Variants in SCARA3 observed in about 807,000 individuals in gnomAD.
SCARA3 encodes scavenger receptor class A member 3.
SCARA3 carries 39 observed loss-of-function variants against 47.0 expected under a neutral mutation model. That is an observed-to-expected ratio of 0.83 (90% CI 0.64 to 1.08). The LOEUF is 1.08. Ranked by LOEUF, SCARA3 falls within the 50% of genes least tolerant of loss-of-function variation. The pLI is 0.00. For synonymous variants in SCARA3, 356 were observed against 334.1 expected (o/e 1.07, Z -0.71); for missense variants, 724 against 792.3 (o/e 0.91, Z 1.04).
In SCARA3 at chr8:27,658,823, C is replaced by T. The variant is rs1801819442; in HGVS notation, c.653C>T (p.Ala218Val). 7 of 1,614,050 alleles carry T rather than the reference C, an allele frequency of 4.3e-6. No homozygotes were observed. Among genetic ancestry groups the T allele is most frequent in the Middle Eastern group, 1.6e-4 (1 of 6,084 alleles). The change falls in exon 5 of 6, where the codon GCT becomes GTT. Residue 218 changes from alanine (A) to valine (V), a missense_variant. Transcript: ENST00000301904. ...DLTQECYDVK[A>V]AVHQINFTVG... ...ACCCAGGAGTGCTACGATGTCAAGGCTGCAGTGCACCAGATCAACTTCACC... is the reference window on the plus strand; with the variant it reads ...ACCCAGGAGTGCTACGATGTCAAGGTTGCAGTGCACCAGATCAACTTCACC...
At position 27,671,201 on chromosome 8, in the gene SCARA3, C is replaced by A. The variant is rs752539449; in HGVS notation, c.1671C>A (p.Pro557=). The A allele has an allele frequency of 1.3e-5, 19 of 1,507,398 alleles. No homozygotes were observed. Among genetic ancestry groups the A allele is most frequent in the South Asian group, 1.2e-4 (9 of 77,446 alleles). The allele number at this position is 1,507,398 out of a possible 1,614,324, so 93.4% of individuals were successfully genotyped here. ...AAGGGCCCCCGGGGTCTCCAGGGCCCTCAGGGCCTCAGGGAAAACCGGGAA... is the reference window on the plus strand; with the variant it reads ...AAGGGCCCCCGGGGTCTCCAGGGCCATCAGGGCCTCAGGGAAAACCGGGAA... ...GPEGPPGSPG[P]SGPQGKPGIA... The change falls in exon 6 of 6, where the codon CCC becomes CCA. Residue 557 remains proline (P), a synonymous_variant. Transcript: ENST00000301904.
chr8:27,722,229 C>A, the SCARA3 span, among the ~76,000 whole-genome samples: 1 of 152,104 alleles, frequency 6.6e-6, no homozygotes, highest in Non-Finnish European at 1.5e-5. Context: ...TTTCCAAGGT[C>A]TCATACATTT....
At chr8:27,725,529 C>CAAAAA in the SCARA3 span, among the ~76,000 whole-genome samples, 1 of 141,582 alleles carries the variant, frequency 7.1e-6, no homozygotes, top group Non-Finnish European at 1.5e-5. Context: ...CTGCCCCCTC[C>CAAAAA]AAAAAAAAAA....
chr8:27,692,813 T>C, the SCARA3 span, among the ~76,000 whole-genome samples: 11 of 152,136 alleles, frequency 7.2e-5, no homozygotes, highest in African/African-American at 2.4e-4. Flanking sequence ...GATAATAACT[T>C]AACTCTTTCA....
At chr8:27,661,877 C>T (rs1355323604) in intron 5 of SCARA3, among the ~76,000 whole-genome samples, 1 of 152,206 alleles carries the variant, frequency 6.6e-6, no homozygotes, top group Non-Finnish European at 1.5e-5. Context: ...ATGGGACACC[C>T]TGTGGGATCT....
chr8:27,649,793 C>G lies in SCARA3; in HGVS notation c.99C>G (p.Thr33=). ...DDEDMPTFPC[T]QKGRPGPRCS... is the part of the protein sequence containing the mutation. ...AGGACATGCCGACCTTCCCATGCAC[C>G]CAGAAGGGTAAGGACTCTGGGGCTG... Residue 33 remains threonine (T), a synonymous_variant, in exon 2 of 6, where the codon ACC becomes ACG. Transcript: ENST00000301904. The G allele has an allele frequency of 6.2e-7, 1 of 1,613,702 alleles. No individual in the cohort carries two copies. The highest frequency in any genetic ancestry group is 8.5e-7 in the Non-Finnish European group (1 of 1,179,750).
chr8:27,654,803 GA>G (rs67948560), intron 3 of SCARA3, among the ~76,000 whole-genome samples: 1 of 100,638 alleles, frequency 9.9e-6, no homozygotes, highest in African/African-American at 3.5e-5. Context: ...AAAAAAAAAA[GA>G]AAAAGAAAAA....
chr8:27,663,222 C>G (rs755730919), intron 5 of SCARA3, among the ~76,000 whole-genome samples: 2 of 152,226 alleles, frequency 1.3e-5, no homozygotes, highest in Non-Finnish European at 2.9e-5. Flanking sequence ...CACTGTCCTT[C>G]AGGGACGTCT....
the SCARA3 span, among the ~76,000 whole-genome samples, chr8:27,683,358 G>A: frequency 6.6e-6 from 1 of 152,178 alleles, no homozygotes; most frequent in South Asian, 2.1e-4. Flanking sequence ...TAGGGGTGGT[G>A]GTTACACACA....
intron 3 of SCARA3, among the ~76,000 whole-genome samples, chr8:27,654,259 T>A (rs1337921808): frequency 6.6e-6 from 1 of 152,212 alleles, no homozygotes; most frequent in Non-Finnish European, 1.5e-5. Context: ...GAAAAATTTT[T>A]AAATTAAATG....
chr8:27,678,570 C>A (rs141784965), downstream of SCARA3, among the ~76,000 whole-genome samples: 1 of 152,184 alleles, frequency 6.6e-6, no homozygotes, highest in African/African-American at 2.4e-5. Context: ...AACTCCACAC[C>A]CAAATAGGCT....
intron 2 of SCARA3, 107 bp from the exon 3 acceptor site, chr8:27,651,401 C>T: frequency 2.2e-6 from 3 of 1,363,322 alleles, no homozygotes; most frequent in Admixed American, 2.2e-5. Flanking sequence ...CCTTCTGAGC[C>T]TGGTTTGAAT....
the SCARA3 span, among the ~76,000 whole-genome samples, chr8:27,705,218 C>T: frequency 6.6e-6 from 1 of 152,190 alleles, no homozygotes; most frequent in Non-Finnish European, 1.5e-5. Flanking sequence ...GAAAGAGGGG[C>T]AGGTCGAAGG....
At chr8:27,643,380 G>C (rs1337676766) in intron 1 of SCARA3, among the ~76,000 whole-genome samples, 2 of 152,118 alleles carry the variant, frequency 1.3e-5, no homozygotes, top group Admixed American at 1.3e-4. Flanking sequence ...CTTGAGGATG[G>C]GGACCAAAAA....
In SCARA3 at chr8:27,634,190, A is replaced by G. The variant is rs745441168; in HGVS notation, c.-11A>G. On this transcript the variant is annotated 5_prime_UTR_variant, in exon 1 of 6. Coordinates refer to ENST00000301904, the MANE Select transcript of SCARA3 (RefSeq NM_016240.3). ...CAGCGGGGCCCTCCTGAGGCCCCAGAGGAAGAGACCATGAAAGGTAAGGGC... is the reference window on the plus strand; with the variant it reads ...CAGCGGGGCCCTCCTGAGGCCCCAGGGGAAGAGACCATGAAAGGTAAGGGC... The G allele has an allele frequency of 7.0e-7, 1 of 1,422,162 alleles. No homozygotes were observed. The highest frequency in any genetic ancestry group is 1.6e-5 in the South Asian group (1 of 63,174). The allele number at this position is 1,422,162 out of a possible 1,614,324, so 88.1% of individuals were successfully genotyped here.
Position 27,647,427 on chromosome 8 carries a change from G to T in SCARA3, c.8-2275G>T, listed in dbSNP as rs529703037. Among the ~76,000 whole-genome samples the T allele has an allele frequency of 2.0e-4, 30 of 152,318 alleles. No homozygotes were observed. In the South Asian group the frequency reaches 4.6e-3, roughly 23 times the overall value. On this transcript the variant is annotated intron_variant, in intron 1 of 5. Transcript: ENST00000301904. ...ATTCAATCTCTGGGGGTGGACCCTT[G>T]AAAGCTCCCCAGAGAGCTCCACAGG...
chr8:27,659,097 G>A lies in SCARA3; in HGVS notation c.927G>A (p.Leu309=), dbSNP rs1024185425. The change falls in exon 5 of 6, where the codon CTG becomes CTA. Residue 309 remains leucine (L), a synonymous_variant. Coordinates refer to ENST00000301904, the MANE Select transcript of SCARA3 (RefSeq NM_016240.3). The part of the protein sequence containing the change: ...DLVLQVMGLQ[L]QLDNISSFLD... ...TACTCCAGGTCATGGGCTTGCAGCT[G>A]CAGCTGGATAACATCTCGTCCTTCC... 3 of 1,614,118 alleles carry A rather than the reference G, an allele frequency of 1.9e-6. No homozygotes were observed. Among genetic ancestry groups the A allele is most frequent in the African/African-American group, 2.7e-5 (2 of 75,012 alleles).
At chr8:27,683,541 T>A in the SCARA3 span, among the ~76,000 whole-genome samples, 2 of 152,212 alleles carry the variant, frequency 1.3e-5, no homozygotes, top group Non-Finnish European at 2.9e-5. Flanking sequence ...ATATTAGGAT[T>A]TTCCTGGTAG....
At chr8:27,726,301 G>A in the SCARA3 span, among the ~76,000 whole-genome samples, 1 of 152,292 alleles carries the variant, frequency 6.6e-6, no homozygotes, top group African/African-American at 2.4e-5. Context: ...AGCTACTCAG[G>A]AGGCTGAGGT....
Sources: gnomAD v4.1 joint callset for allele counts (sites outside exome capture counted in the v4.1 genomes callset) on GRCh38, gnomAD v4.1.1 for gene constraint, MANE v1.5 for transcripts, NCBI Gene and HGNC (gene_info 2026-07-23, HGNC 2026-07-21) for gene names.